Variants in NPHP4 observed in about 807,000 individuals in gnomAD.
NPHP4 encodes nephrocystin 4.
A neutral mutation model predicts 155.8 loss-of-function variants in NPHP4; 151 were observed. The ratio of observed to expected loss-of-function variants is 0.97; its 90% CI spans 0.85 to 1.11. The LOEUF (loss-of-function observed/expected upper bound fraction) is 1.11, where lower values mean the gene tolerates loss of function less well. Ranked by LOEUF, NPHP4 falls within the 50% of genes least tolerant of loss-of-function variation. NPHP4 has a pLI of 0.00. For synonymous variants in NPHP4, 845 were observed against 816.8 expected, an observed-to-expected ratio of 1.03 and a Z score of -0.59; for missense variants, 1,956 against 1,925.7, an observed-to-expected ratio of 1.02 and a Z score of -0.29.
At chr1:5,977,582 T>A (rs894456772) in intron 3 of NPHP4, among the ~76,000 whole-genome samples, 2 of 151,684 alleles carry the variant, frequency 1.3e-5, no homozygotes, top group African/African-American at 4.8e-5. Context: ...GTGAGCGCCA[T>A]CATCACCCTG....
rs972989777 is a variant in NPHP4 at position 5,862,995 on chromosome 1, C to A, written c.*270G>T. 1 of 517,350 alleles carries A rather than the reference C, an allele frequency of 1.9e-6. No individual in the cohort carries two copies. The highest frequency in any genetic ancestry group is 1.9e-5 in the African/African-American group (1 of 52,814). The allele number at this position is 517,350 out of a possible 1,614,324, so 32.0% of individuals were successfully genotyped here. A position where few individuals can be genotyped will look rare whatever the true frequency, so the allele number is the denominator to read the frequency against. On this transcript the variant is annotated 3_prime_UTR_variant, in exon 30 of 30. Coordinates refer to ENST00000378156, the MANE Select transcript of NPHP4 (RefSeq NM_015102.5). ...ACAGCGATAACGAGGGTCCCACATGCGTAGATGGCAGCACCAGAGCCAGAC... is the reference window on the plus strand; with the variant it reads ...ACAGCGATAACGAGGGTCCCACATGAGTAGATGGCAGCACCAGAGCCAGAC...
At chr1:5,887,934 G>C (rs1322192496) in intron 17 of NPHP4, among the ~76,000 whole-genome samples, 1 of 152,230 alleles carries the variant, frequency 6.6e-6, no homozygotes, top group East Asian at 1.9e-4. Flanking sequence ...AGAGGGCAGG[G>C]GAGGCAGAGA....
chr1:5,914,182 G>C (rs1341294789), intron 11 of NPHP4, among the ~76,000 whole-genome samples: 1 of 145,486 alleles, frequency 6.9e-6, no homozygotes, highest in African/African-American at 2.5e-5. Flanking sequence ...CACTTTGGGA[G>C]GCCAAGGCAG....
chr1:5,948,292 AAAG>A, intron 7 of NPHP4, 41 bp from the exon 8 acceptor site: 1 of 1,462,864 alleles, frequency 6.8e-7, no homozygotes, highest in Non-Finnish European at 9.1e-7. Flanking sequence ...GCACAGACGG[AAAG>A]AGGGAGCTCG....
Position 5,879,777 on chromosome 1 carries a change from G to GCA in NPHP4, c.2611+335_2611+336dup, listed in dbSNP as rs1228492162. 1.4e-3 allele frequency: 477 copies of GCA among 351,008 alleles called. 2 individuals carry two copies. The highest frequency in any genetic ancestry group is 3.9e-3 in the Middle Eastern group (4 of 1,038). 21.7% of individuals were successfully genotyped at this position (351,008 alleles called of 1,614,324 possible). ...GCATTAACAGCACCACGAATGGTGC[G>GCA]CACACACACACACACACGCAAACAC... On this transcript the variant is annotated intron_variant, in intron 19 of 29. Transcript: ENST00000378156.
At chr1:5,991,758 A>G (rs1477722028) in intron 1 of NPHP4, among the ~76,000 whole-genome samples, 156 of 148,154 alleles carry the variant, frequency 1.1e-3, no homozygotes, top group African/African-American at 3.7e-3. Context: ...TGACAGCCGG[A>G]GCCGGAGCTG....
intron 11 of NPHP4, among the ~76,000 whole-genome samples, chr1:5,919,900 C>T (rs535457027): frequency 1.3e-5 from 2 of 152,182 alleles, no homozygotes; most frequent in East Asian, 3.9e-4. Flanking sequence ...CTACCACACC[C>T]AGCTACTGCA....
At position 5,969,155 on chromosome 1, in the gene NPHP4, A is replaced by C. The variant is rs1652094141; in HGVS notation, c.384T>G (p.Cys128Trp). 6.4e-7 allele frequency: 1 copy of C among 1,555,980 alleles called. No individual in the cohort carries two copies. The highest frequency in any genetic ancestry group is 8.7e-7 in the Non-Finnish European group (1 of 1,149,248). Residue 128 changes from cysteine to tryptophan, a missense_variant, in exon 4 of 30, where the codon TGT (cysteine) becomes TGG (tryptophan). Transcript: ENST00000378156. ...KRDGSLQTLS[C>W]GFGILRIFSN... is the part of the protein sequence containing the mutation. ...TGAAGATCCGAAGAATTCCAAACCC[A>C]CAGGACAATGTCTGGAGGCTCCCAT...
intron 10 of NPHP4, among the ~76,000 whole-genome samples, chr1:5,928,641 C>T (rs1248417870): frequency 1.3e-5 from 2 of 152,192 alleles, no homozygotes; most frequent in African/African-American, 2.4e-5. Context: ...GTTCCATTAA[C>T]TGAATTCCTT....
intron 2 of NPHP4, 62 bp from the exon 3 acceptor site, chr1:5,978,475 G>C (rs1654098779): frequency 1.3e-6 from 2 of 1,532,796 alleles, no homozygotes; most frequent in African/African-American, 1.4e-5. Context: ...GAGGTCACTG[G>C]CAGGCCATGT....
At chr1:5,888,324 T>A (rs1042221167) in intron 17 of NPHP4, 2 of 1,047,358 alleles carry the variant, frequency 1.9e-6, no homozygotes, top group Admixed American at 1.1e-4. Context: ...TGGGACACTC[T>A]TCCCCCGTGC....
At chr1:5,865,013 C>A (rs1298927940) in intron 27 of NPHP4, 89 bp downstream of exon 27, 26 of 1,353,450 alleles carry the variant, frequency 1.9e-5, no homozygotes, top group East Asian at 4.7e-5. Flanking sequence ...GCTGTCAGGG[C>A]CACCCACTGT....
At chr1:5,968,791 C>G (rs533283620) in intron 4 of NPHP4, among the ~76,000 whole-genome samples, 1 of 152,136 alleles carries the variant, frequency 6.6e-6, no homozygotes, top group African/African-American at 2.4e-5. Flanking sequence ...CAAAAATTAG[C>G]CAGACATGGT....
chr1:5,863,793 G>A (rs1481174916), intron 29 of NPHP4, 97 bp downstream of exon 29: 6 of 1,340,218 alleles, frequency 4.5e-6, no homozygotes, highest in Non-Finnish European at 5.3e-6. Context: ...GAAGACTGCT[G>A]GTGATTTGAG....
intron 9 of NPHP4, among the ~76,000 whole-genome samples, chr1:5,945,334 C>A (rs1313884364): frequency 6.6e-6 from 1 of 152,076 alleles, no homozygotes; most frequent in Non-Finnish European, 1.5e-5. Flanking sequence ...CCACACCCAC[C>A]CCAGAAGACC....
rs202199543 is a variant in NPHP4 at position 5,933,163 on chromosome 1, C to G, written c.1286G>C (p.Ser429Thr). 77 of 1,590,928 alleles carry G rather than the reference C, an allele frequency of 4.8e-5. No homozygotes were observed. In the African/African-American group the frequency reaches 1.0e-3, roughly 21 times the overall value. Residue 429 changes from serine (S) to threonine (T), a missense_variant, in exon 10 of 30, where the codon AGC becomes ACC. Coordinates refer to ENST00000378156, the MANE Select transcript of NPHP4 (RefSeq NM_015102.5). ...ATAATTTACCTCTTCAGAGCTCATG[C>G]TGGCTGAGGGTACCTTGTAGACCAG... ...HCLVYKVPSASMSSEEVKQVE... is the reference protein window; with the variant it reads ...HCLVYKVPSATMSSEEVKQVE...
chr1:5,897,293 G>C (rs1644440848), intron 16 of NPHP4, among the ~76,000 whole-genome samples: 1 of 152,178 alleles, frequency 6.6e-6, no homozygotes, highest in African/African-American at 2.4e-5. Context: ...ATATTTGCAT[G>C]AAGCCAAAAA....
chr1:5,908,429 A>G (rs192137836), intron 12 of NPHP4, among the ~76,000 whole-genome samples: 2 of 152,336 alleles, frequency 1.3e-5, no homozygotes, highest in East Asian at 3.9e-4. Context: ...TAGAAAGTCA[A>G]TTTCCAGGAT....
rs1032792605 is a variant in NPHP4, at chr1:5,865,339, A to T, written c.3645-66T>A. On this transcript the variant is annotated intron_variant, in intron 26 of 29. Transcript: ENST00000378156. Reference sequence around the variant, plus strand: ...CTCAGCACCGGCCCACGAGAGGCCAACAAGGGCTGCCAGGAGCGTGGGCAG... The same window carrying T: ...CTCAGCACCGGCCCACGAGAGGCCATCAAGGGCTGCCAGGAGCGTGGGCAG... 5 of 1,391,594 alleles carry T rather than the reference A, an allele frequency of 3.6e-6. No individual in the cohort carries two copies. The African/African-American group carries it at 5.7e-5, about 16-fold the overall frequency. The allele number at this position is 1,391,594 out of a possible 1,614,324, so 86.2% of individuals were successfully genotyped here.
Sources: allele counts gnomAD v4.1 joint callset (sites outside exome capture counted in the v4.1 genomes callset), GRCh38; gene constraint gnomAD v4.1.1; transcripts MANE v1.5; gene names NCBI Gene and HGNC (gene_info 2026-07-23, HGNC 2026-07-21).